AK5: variants seen among roughly 807,000 people sequenced by gnomAD.
The protein encoded by AK5 is adenylate kinase 5.
In AK5, 27 loss-of-function variants were observed where a neutral mutation model predicts 69.5. The observed-to-expected ratio is 0.39, with a 90% CI of 0.29 to 0.54. AK5 has a LOEUF of 0.54. Among genes scored for constraint, AK5 ranks in the 20% least tolerant of loss-of-function variants. The probability of loss-of-function intolerance (pLI) is 0.71; values close to 1 mark genes in which losing one functional copy is unlikely to be tolerated. For synonymous variants in AK5, 260 were observed against 244.4 expected (o/e 1.06, Z -0.60); for missense variants, 531 against 700.4 (o/e 0.76, Z 2.73).
rs767151466 is a variant in AK5, at chr1:77,340,472, C to T, written c.795C>T (p.Asp265=). ...LKRAEQQGRP[D]DNVKATQRRL... is the part of the protein sequence containing the mutation. Reference sequence around the variant, plus strand: ...GTGCAGAACAGCAGGGCCGACCAGACGACAATGTAAAAGCTACCCAAAGGA... The same window carrying T: ...GTGCAGAACAGCAGGGCCGACCAGATGACAATGTAAAAGCTACCCAAAGGA... The change falls in exon 6 of 14, where the codon GAC becomes GAT. Residue 265 remains aspartate (D), a synonymous_variant. Coordinates refer to ENST00000354567, the MANE Select transcript of AK5 (RefSeq NM_174858.3). The T allele has an allele frequency of 8.1e-6, 13 of 1,614,078 alleles. No homozygotes were observed. The highest frequency in any genetic ancestry group is 3.3e-5 in the South Asian group (3 of 91,088).
At chr1:77,306,494 G>GTTT (rs869202567) in intron 5 of AK5, among the ~76,000 whole-genome samples, 23 of 120,362 alleles carry the variant, frequency 1.9e-4, no homozygotes, top group African/African-American at 6.5e-4. Context: ...GTTTTTTTTT[G>GTTT]TTTTTTTTTT....
At chr1:77,519,656 T>C (rs560928852) in intron 11 of AK5, among the ~76,000 whole-genome samples, 21 of 152,394 alleles carry the variant, frequency 1.4e-4, no homozygotes, top group African/African-American at 3.8e-4. Context: ...TTCTTGATGA[T>C]ATGCTAAACA....
chr1:77,333,034 A>G (rs1361650824), intron 5 of AK5, among the ~76,000 whole-genome samples: 3 of 151,786 alleles, frequency 2.0e-5, no homozygotes, highest in Admixed American at 6.6e-5. Context: ...TAAACCTTTT[A>G]TCATAATGAC....
At chr1:77,342,831 G>GTT (rs200089511) in intron 6 of AK5, among the ~76,000 whole-genome samples, 26 of 145,266 alleles carry the variant, frequency 1.8e-4, no homozygotes, top group East Asian at 6.0e-4. Context: ...TTTCTCTGTA[G>GTT]TTTTTTTTTT....
At chr1:77,478,505 G>T (rs189365430) in intron 8 of AK5, among the ~76,000 whole-genome samples, 1 of 152,208 alleles carries the variant, frequency 6.6e-6, no homozygotes, top group Admixed American at 6.5e-5. Context: ...CTTCTCTTCC[G>T]CCATAATTGT....
chr1:77,520,505 A>G (rs1416720744), intron 11 of AK5, among the ~76,000 whole-genome samples: 1 of 152,146 alleles, frequency 6.6e-6, no homozygotes, highest in Non-Finnish European at 1.5e-5. Flanking sequence ...ACCCACCACT[A>G]GCCTCCTTGT....
intron 8 of AK5, among the ~76,000 whole-genome samples, chr1:77,482,717 G>C (rs1273418937): frequency 6.6e-6 from 1 of 151,028 alleles, no homozygotes; most frequent in Non-Finnish European, 1.5e-5. Context: ...GTTGCAGTGA[G>C]CCGAGACTGC....
intron 12 of AK5, among the ~76,000 whole-genome samples, chr1:77,525,979 A>G (rs964847861): frequency 3.3e-5 from 5 of 151,650 alleles, no homozygotes; most frequent in African/African-American, 4.8e-5. Context: ...CTATTCCTGG[A>G]AAAAAAAATT....
intron 8 of AK5, among the ~76,000 whole-genome samples, chr1:77,475,099 A>G (rs2100703030): frequency 6.6e-6 from 1 of 150,940 alleles, no homozygotes; most frequent in East Asian, 1.9e-4. Context: ...CACTGTGCTC[A>G]ACCTAGTGTG....
intron 8 of AK5, among the ~76,000 whole-genome samples, chr1:77,448,085 G>A (rs925684018): frequency 2.6e-5 from 4 of 152,164 alleles, no homozygotes; most frequent in East Asian, 1.9e-4. Flanking sequence ...GGTCCCCCTT[G>A]ACATGAACAG....
intron 6 of AK5, among the ~76,000 whole-genome samples, chr1:77,342,916 C>G (rs1661729980): frequency 6.6e-6 from 1 of 151,486 alleles, no homozygotes; most frequent in Non-Finnish European, 1.5e-5. Flanking sequence ...AACCAGGATA[C>G]TCTGCTAGGG....
intron 13 of AK5, among the ~76,000 whole-genome samples, chr1:77,542,692 A>T (rs1659340556): frequency 6.6e-6 from 1 of 152,240 alleles, no homozygotes; most frequent in Non-Finnish European, 1.5e-5. Flanking sequence ...TAGAAAATTT[A>T]AGACTATAAA....
At chr1:77,429,535 A>C (rs1464831450) in intron 8 of AK5, among the ~76,000 whole-genome samples, 1 of 152,216 alleles carries the variant, frequency 6.6e-6, no homozygotes, top group Non-Finnish European at 1.5e-5. Flanking sequence ...AGTTCCTGCT[A>C]TCATAGAGCT....
At chr1:77,299,708 C>T (rs1032508030) in intron 5 of AK5, among the ~76,000 whole-genome samples, 1 of 152,086 alleles carries the variant, frequency 6.6e-6, no homozygotes, top group Non-Finnish European at 1.5e-5. Flanking sequence ...GCTATGGCAG[C>T]CATTCCATGT....
At chr1:77,503,100 G>T (rs1445131738) in intron 10 of AK5, among the ~76,000 whole-genome samples, 1 of 152,152 alleles carries the variant, frequency 6.6e-6, no homozygotes, top group Admixed American at 6.5e-5. Context: ...ATTTCTGTCT[G>T]GTGTCCTAGG....
intron 13 of AK5, among the ~76,000 whole-genome samples, chr1:77,538,825 C>G (rs942213260): frequency 5.9e-5 from 9 of 152,110 alleles, no homozygotes; most frequent in African/African-American, 2.2e-4. Flanking sequence ...AATGACTGCT[C>G]GTGAGTACAG....
chr1:77,343,589 T>A (rs1044251181), intron 6 of AK5, among the ~76,000 whole-genome samples: 1 of 152,190 alleles, frequency 6.6e-6, no homozygotes, highest in Non-Finnish European at 1.5e-5. Context: ...AGATTCCAGC[T>A]GCACCACCTA....
intron 3 of AK5, among the ~76,000 whole-genome samples, chr1:77,295,728 T>C (rs976290443): frequency 6.6e-6 from 1 of 152,206 alleles, no homozygotes; most frequent in Non-Finnish European, 1.5e-5. Context: ...ATTAACAGGA[T>C]GAACAAATGG....
intron 5 of AK5, among the ~76,000 whole-genome samples, chr1:77,310,583 G>A (rs765906631): frequency 2.1e-4 from 32 of 151,976 alleles, no homozygotes; most frequent in African/African-American, 5.6e-4. Context: ...GGGTTTCACC[G>A]TGTTAGCCAG....
Sources: allele counts gnomAD v4.1 joint callset (sites outside exome capture counted in the v4.1 genomes callset), GRCh38; gene constraint gnomAD v4.1.1; transcripts MANE v1.5; gene names NCBI Gene and HGNC (gene_info 2026-07-23, HGNC 2026-07-21).